LPP: variants seen among roughly 807,000 people sequenced by gnomAD.
LPP encodes the protein lipoma-preferred partner.
In LPP, 38 loss-of-function variants were observed where a neutral mutation model predicts 60.4. That is an observed-to-expected ratio of 0.63 (90% CI 0.49 to 0.83). LPP has a LOEUF of 0.83. LPP is among the 40% of genes least tolerant of loss of function. LPP has a pLI of 0.00. For missense variants in LPP, 902 were observed against 783.6 expected (o/e 1.15, Z -1.80); for synonymous variants, 328 against 290.8 (o/e 1.13, Z -1.30).
At chr3:188,539,007 CA>C (rs1404746651) in intron 6 of LPP, among the ~76,000 whole-genome samples, 2 of 152,000 alleles carry the variant, frequency 1.3e-5, no homozygotes, top group African/African-American at 2.4e-5. Context: ...TGCCAGTGGC[CA>C]GGGGGAGGGG....
chr3:188,545,571 G>A (rs370761362), intron 6 of LPP, among the ~76,000 whole-genome samples: 5 of 152,014 alleles, frequency 3.3e-5, no homozygotes, highest in Non-Finnish European at 5.9e-5. Flanking sequence ...CATGTGCCTC[G>A]ATTTGGGTGC....
At chr3:188,223,266 T>C (rs1303395925) in intron 1 of LPP, among the ~76,000 whole-genome samples, 1 of 152,312 alleles carries the variant, frequency 6.6e-6, no homozygotes, top group East Asian at 1.9e-4. Flanking sequence ...TATTCAACAA[T>C]GTATAATTTT....
intron 7 of LPP, among the ~76,000 whole-genome samples, chr3:188,636,352 C>T (rs1418487522): frequency 6.6e-6 from 1 of 152,176 alleles, no homozygotes; most frequent in Non-Finnish European, 1.5e-5. Flanking sequence ...TTCCGACGGG[C>T]TTAAAAAACG....
At chr3:188,754,188 A>C (rs1729377055) in intron 8 of LPP, among the ~76,000 whole-genome samples, 1 of 152,340 alleles carries the variant, frequency 6.6e-6, no homozygotes, top group South Asian at 2.1e-4. Flanking sequence ...ACCCAAAAGA[A>C]GCCTGTTCTA....
chr3:188,673,021 G>C (rs1046812336), intron 7 of LPP, among the ~76,000 whole-genome samples: 1 of 149,496 alleles, frequency 6.7e-6, no homozygotes, highest in Non-Finnish European at 1.5e-5. Context: ...GCTATATTAA[G>C]TCCCATTTGG....
intron 5 of LPP, among the ~76,000 whole-genome samples, chr3:188,501,710 G>A (rs962700770): frequency 1.3e-5 from 2 of 148,472 alleles, no homozygotes; most frequent in Non-Finnish European, 3.0e-5. Flanking sequence ...GATCACTCCA[G>A]CCTGGGTGAC....
intron 4 of LPP, among the ~76,000 whole-genome samples, chr3:188,414,323 T>A (rs1785613768): frequency 1.3e-5 from 2 of 152,150 alleles, no homozygotes. Context: ...GCTAACACAA[T>A]GCTCAAAGGA....
At chr3:188,529,121 G>A (rs1402938582) in intron 6 of LPP, among the ~76,000 whole-genome samples, 2 of 152,108 alleles carry the variant, frequency 1.3e-5, no homozygotes, top group African/African-American at 4.8e-5. Flanking sequence ...TCTTCCCTCT[G>A]GTGGAACTGA....
intron 4 of LPP, among the ~76,000 whole-genome samples, chr3:188,450,769 C>A (rs1246792755): frequency 1.3e-5 from 2 of 151,424 alleles, no homozygotes; most frequent in African/African-American, 4.9e-5. Context: ...AATCTATTTA[C>A]ATTGCAGCTC....
intron 2 of LPP, among the ~76,000 whole-genome samples, chr3:188,268,008 T>A (rs1348374864): frequency 7.4e-6 from 1 of 135,446 alleles, no homozygotes; most frequent in Non-Finnish European, 1.5e-5. Context: ...ATTCCAACTA[T>A]TTTTAAGGAT....
At chr3:188,728,160 G>C (rs1719111533) in intron 8 of LPP, among the ~76,000 whole-genome samples, 1 of 152,032 alleles carries the variant, frequency 6.6e-6, no homozygotes, top group South Asian at 2.1e-4. Flanking sequence ...CATAACCCTA[G>C]ATCCACTGAG....
chr3:188,747,053 G>A (rs146740573), intron 8 of LPP, among the ~76,000 whole-genome samples: 134 of 152,220 alleles, frequency 8.8e-4, no homozygotes, highest in South Asian at 7.3e-3. Flanking sequence ...ACTTGATTCG[G>A]TGTATTTATT....
chr3:188,757,827 C>T (rs566685909), intron 8 of LPP, among the ~76,000 whole-genome samples: 1 of 145,486 alleles, frequency 6.9e-6, no homozygotes, highest in East Asian at 2.0e-4. Flanking sequence ...TGGCATGAAG[C>T]TGTTAGAATT....
chr3:188,541,680 T>C (rs1301541418), intron 6 of LPP, among the ~76,000 whole-genome samples: 2 of 152,154 alleles, frequency 1.3e-5, no homozygotes, highest in African/African-American at 4.8e-5. Context: ...GCGGATCACC[T>C]GAGGTCAGGA....
intron 5 of LPP, 150 bp downstream of exon 5, chr3:188,484,854 G>T (rs1805871267): frequency 1.7e-5 from 10 of 579,402 alleles, no homozygotes; most frequent in Admixed American, 6.3e-5. Flanking sequence ...AACTTATGAA[G>T]ATCTAAGGTA....
chr3:188,638,311 A>G lies in LPP; in HGVS notation c.1113+28467A>G, dbSNP rs1423590764. ...CAGAAAAGGCCTTTGACAAAATTCA[A>G]CAGCCCTTCATGCTAAAAACTCTCA... On this transcript the variant is annotated intron_variant, in intron 7 of 11. Transcript: ENST00000617246. 5.3e-5 allele frequency among the ~76,000 whole-genome samples: 8 copies of G among 150,222 alleles called. 1 individual carries two copies. Among genetic ancestry groups the G allele is most frequent in the Admixed American group, 4.0e-4 (6 of 15,008 alleles).
At chr3:188,234,486 G>A (rs1014502813) in intron 2 of LPP, among the ~76,000 whole-genome samples, 1 of 152,186 alleles carries the variant, frequency 6.6e-6, no homozygotes, top group Non-Finnish European at 1.5e-5. Flanking sequence ...GCTGCTTTTG[G>A]ACTAGGTGAT....
At chr3:188,577,851 C>CTG (rs67641376) in intron 6 of LPP, among the ~76,000 whole-genome samples, 37,114 of 83,332 alleles carry the variant, frequency 0.45, 5,156 homozygotes, top group Middle Eastern at 0.54. Context: ...TGCCCTTTCT[C>CTG]TCTCTCTCTT....
At chr3:188,831,134 C>T (rs942321442) in intron 9 of LPP, among the ~76,000 whole-genome samples, 2 of 152,084 alleles carry the variant, frequency 1.3e-5, no homozygotes, top group African/African-American at 4.8e-5. Context: ...CAGGAGATGG[C>T]GCCTGGTAAG....
Sources: allele counts gnomAD v4.1 joint callset (sites outside exome capture counted in the v4.1 genomes callset), GRCh38; gene constraint gnomAD v4.1.1; transcripts MANE v1.5; gene names NCBI Gene and HGNC (gene_info 2026-07-23, HGNC 2026-07-21).